Variants in MON1B observed in about 807,000 individuals in gnomAD.
The protein encoded by MON1B is vacuolar fusion protein MON1 homolog B.
In MON1B, 26 loss-of-function variants were observed where a neutral mutation model predicts 45.1. The ratio of observed to expected loss-of-function variants is 0.58; its 90% CI spans 0.42 to 0.80. The LOEUF is 0.80. Among genes scored for constraint, MON1B ranks in the 30% least tolerant of loss-of-function variants. The pLI, the probability that MON1B is intolerant of heterozygous loss-of-function variation, is 0.00. For missense variants in MON1B, 737 were observed against 754.5 expected (o/e 0.98, Z 0.27); for synonymous variants, 395 against 320.2 (o/e 1.23, Z -2.49).
At position 77,198,626 on chromosome 16, in the gene MON1B, G is replaced by A. The variant is rs537901947; in HGVS notation, c.*318G>A. 2.4e-5 allele frequency: 9 copies of A among 376,922 alleles called. No individual in the cohort carries two copies. The highest frequency in any genetic ancestry group is 5.5e-5 in the South Asian group (2 of 36,346). The allele number at this position is 376,922 out of a possible 1,614,324, so 23.3% of individuals were successfully genotyped here. On this transcript the variant is annotated 3_prime_UTR_variant, in exon 6 of 6. Coordinates refer to ENST00000248248, the MANE Select transcript of MON1B (RefSeq NM_014940.4). ...GACTGTCCCCTCCAAACTTGCTTCCGTGGTCTGCCTCCTAGTTGAATCTCA... is the reference window on the plus strand; with the variant it reads ...GACTGTCCCCTCCAAACTTGCTTCCATGGTCTGCCTCCTAGTTGAATCTCA...
At chr16:77,195,392 C>A in intron 4 of MON1B, 143 bp from the exon 5 acceptor site, 1 of 1,178,948 alleles carries the variant, frequency 8.5e-7, no homozygotes, top group Non-Finnish European at 1.2e-6. Flanking sequence ...GGAAGGTCAG[C>A]CTCCAACCCC....
Position 77,202,364 on chromosome 16 carries a change from C to G in MON1B, c.*4056C>G, listed in dbSNP as rs1446012210. ...CTATTTTTACAACTTTTGTGTACAT[C>G]TGCAATTGTTTCAAAATAAAATGTT... On this transcript the variant is annotated 3_prime_UTR_variant, in exon 6 of 6. Transcript: ENST00000248248. The G allele has an allele frequency of 1.3e-5, 2 of 152,162 alleles. No individual in the cohort carries two copies. The highest frequency in any genetic ancestry group is 2.9e-5 in the Non-Finnish European group (2 of 68,036). The allele number at this position is 152,162 out of a possible 1,614,324, so 9.4% of individuals were successfully genotyped here.
Position 77,191,222 on chromosome 16 carries a change from A to G in MON1B, c.-47A>G, listed in dbSNP as rs867708575. The G allele has an allele frequency of 2.0e-6, 3 of 1,536,434 alleles. No homozygotes were observed. Among genetic ancestry groups the G allele is most frequent in the Middle Eastern group, 1.7e-4 (1 of 5,984 alleles). ...ATGCCACCGCCGCTACGGGGAAGTA[A>G]TGGTATCCGGCCAATTGAGATTCGG... On this transcript the variant is annotated 5_prime_UTR_variant, in exon 1 of 6. The change abolishes an upstream ATG in the 5' untranslated region. Coordinates refer to ENST00000248248, the MANE Select transcript of MON1B (RefSeq NM_014940.4).
Position 77,201,845 on chromosome 16 carries a change from T to G in MON1B, c.*3537T>G, listed in dbSNP as rs780224763. On this transcript the variant is annotated 3_prime_UTR_variant, in exon 6 of 6. Coordinates refer to ENST00000248248, the MANE Select transcript of MON1B (RefSeq NM_014940.4). ...TTAAATTATAAGTTGATAGGATTAT[T>G]ATTGACACACAAGGAGCTCCAAAAG... The G allele has an allele frequency of 4.6e-5, 7 of 152,144 alleles. No homozygotes were observed. The highest frequency in any genetic ancestry group is 1.0e-4 in the Non-Finnish European group (7 of 68,024). The allele number at this position is 152,144 out of a possible 1,614,324, so 9.4% of individuals were successfully genotyped here.
chr16:77,197,233 T>A (rs1470119292), intron 5 of MON1B, among the ~76,000 whole-genome samples: 1 of 151,698 alleles, frequency 6.6e-6, no homozygotes, highest in Non-Finnish European at 1.5e-5. Flanking sequence ...CCATCTCTAC[T>A]AAAAATACAA....
chr16:77,193,743 G>T lies in MON1B; in HGVS notation c.441G>T (p.Gln147His). 1.9e-6 allele frequency: 3 copies of T among 1,613,494 alleles called. 1 individual carries two copies. The South Asian group carries it at 3.3e-5, about 18-fold the overall frequency. ...GVMTALVSFV[Q>H]SAGDAIRAIY... is the part of the protein sequence containing the mutation. ...TGACCGCCCTGGTGTCCTTTGTGCA[G>T]AGTGCGGGAGATGCCATCCGTGCCA... The change falls in exon 3 of 6, where the codon CAG (glutamine) becomes CAT (histidine). Residue 147 changes from glutamine (Q) to histidine (H), a missense_variant. Gln to His is a conservative substitution (Grantham distance 24, BLOSUM62 0). Transcript: ENST00000248248. This position sits in a 1 kb window ranked among gnomAD's most constrained non-coding sequence, Gnocchi z 5.0.
In MON1B at chr16:77,200,695, A is replaced by G. The variant is rs970989425; in HGVS notation, c.*2387A>G. 7.0e-6 allele frequency: 1 copy of G among 142,658 alleles called. No individual in the cohort carries two copies. Among genetic ancestry groups the G allele is most frequent in the African/African-American group, 2.6e-5 (1 of 38,090 alleles). The allele number at this position is 142,658 out of a possible 1,614,324, so 8.8% of individuals were successfully genotyped here. A position where few individuals can be genotyped will look rare whatever the true frequency, so the allele number is the denominator to read the frequency against. On this transcript the variant is annotated 3_prime_UTR_variant, in exon 6 of 6. Coordinates refer to ENST00000248248, the MANE Select transcript of MON1B (RefSeq NM_014940.4). ...TGCTTGAACCCGGGAGGCAGAGGTT[A>G]TCGTGAGCTGACATTGCGCCACTGC...
chr16:77,197,988 A>T (rs1281341210), intron 5 of MON1B, 120 bp from the exon 6 acceptor site: 1 of 955,792 alleles, frequency 1.0e-6, no homozygotes, highest in Non-Finnish European at 1.6e-6. Context: ...ACCTGGTAGG[A>T]GGTGCTGCCA....
chr16:77,195,802 C>T (rs1273049276), intron 5 of MON1B, 120 bp downstream of exon 5: 3 of 1,237,488 alleles, frequency 2.4e-6, no homozygotes, highest in Non-Finnish European at 1.1e-6. Flanking sequence ...CTGGGCTGTG[C>T]CTTGCCTGCA....
In MON1B at chr16:77,198,252, C is replaced by G; in HGVS notation, c.1588C>G (p.Pro530Ala). 6.2e-7 allele frequency: 1 copy of G among 1,614,208 alleles called. No homozygotes were observed. The highest frequency in any genetic ancestry group is 8.5e-7 in the Non-Finnish European group (1 of 1,180,042). Residue 530 changes from proline (P) to alanine (A), a missense_variant, in exon 6 of 6, where the codon CCA (proline) becomes GCA (alanine). By Grantham distance (27) the Pro-to-Ala change is conservative. Coordinates refer to ENST00000248248, the MANE Select transcript of MON1B (RefSeq NM_014940.4). The part of the protein sequence containing the change: ...FIRYPPKYST[P>A]PATSTDQAAH... Reference sequence around the variant, plus strand: ...TCGTTACCCACCCAAGTACTCCACACCACCAGCCACCTCTACGGACCAAGC... The same window carrying G: ...TCGTTACCCACCCAAGTACTCCACAGCACCAGCCACCTCTACGGACCAAGC...
Position 77,193,553 on chromosome 16 carries a change from G to T in MON1B, c.251G>T (p.Ser84Ile), listed in dbSNP as rs144793245. The stretch of plus-strand genomic sequence containing the variant: ...TGGAGTCCTGCAGCCCCTGAGAATA[G>T]TCCCACATGTAGCCCTGAGAGTAGC... ...RLWSPAAPEN[S>I]PTCSPESSSG... Residue 84 changes from serine to isoleucine, a missense_variant, in exon 3 of 6, where the codon AGT becomes ATT. Ser to Ile is a moderately radical substitution (Grantham distance 142). Transcript: ENST00000248248. This position sits in a 1 kb window ranked among gnomAD's most constrained non-coding sequence, Gnocchi z 5.0. 8 of 1,614,002 alleles carry T rather than the reference G, an allele frequency of 5.0e-6. No homozygotes were observed. Among genetic ancestry groups the T allele is most frequent in the Non-Finnish European group, 6.8e-6 (8 of 1,179,908 alleles).
chr16:77,195,541 G>C lies in MON1B; in HGVS notation c.1302G>C (p.Glu434Asp). The stretch of plus-strand genomic sequence containing the variant: ...CCTCCCTCCATCATGGCAGCCCTGA[G>C]CTAGAGGCCCCCTACAGCAGAGAGG... The part of the protein sequence containing the change: ...HRQLPQFTSP[E>D]LEAPYSREEE... Residue 434 changes from glutamate to aspartate, a missense_variant, in exon 5 of 6, where the codon GAG becomes GAC. By Grantham distance (45) the Glu-to-Asp change is conservative (BLOSUM62 2). Coordinates refer to ENST00000248248, the MANE Select transcript of MON1B (RefSeq NM_014940.4). The C allele has an allele frequency of 1.2e-6, 2 of 1,613,342 alleles. No homozygotes were observed. Among genetic ancestry groups the C allele is most frequent in the Non-Finnish European group, 1.7e-6 (2 of 1,179,626 alleles).
chr16:77,199,156 C>CGTATCAT lies in MON1B; in HGVS notation c.*848_*849insGTATCAT. On this transcript the variant is annotated 3_prime_UTR_variant, in exon 6 of 6. Coordinates refer to ENST00000248248, the MANE Select transcript of MON1B (RefSeq NM_014940.4). ...TGACAACCTGCACAAGACAAGCAGC[C>CGTATCAT]TAAAGCAGGAGAGACCTCCCTAGGG... 1 of 389,038 alleles carries CGTATCAT rather than the reference C, an allele frequency of 2.6e-6. No individual in the cohort carries two copies. Among genetic ancestry groups the CGTATCAT allele is most frequent in the Non-Finnish European group, 4.6e-6 (1 of 216,888 alleles). 24.1% of individuals were successfully genotyped at this position (389,038 alleles called of 1,614,324 possible).
At chr16:77,192,527 G>T (rs111427041) in intron 2 of MON1B, among the ~76,000 whole-genome samples, 1 of 152,152 alleles carries the variant, frequency 6.6e-6, no homozygotes, top group Admixed American at 6.5e-5. Flanking sequence ...GTTAATGATG[G>T]TCATGGGTAG....
At position 77,193,490 on chromosome 16, in the gene MON1B, C is replaced by T. The variant is rs374424902; in HGVS notation, c.188C>T (p.Pro63Leu). 39 of 1,592,840 alleles carry T rather than the reference C, an allele frequency of 2.4e-5. No homozygotes were observed. The highest frequency in any genetic ancestry group is 6.8e-5 in the South Asian group (6 of 87,890). Residue 63 changes from proline (P) to leucine (L), a missense_variant, in exon 3 of 6, where the codon CCG (proline) becomes CTG (leucine). Physicochemically the swap from Pro to Leu is moderately conservative, Grantham distance 98. Transcript: ENST00000248248. The surrounding 1 kb of genome is among the most constrained non-coding windows in gnomAD (Gnocchi z 5.0). The part of the protein sequence containing the change: ...DKDQPPSPSP[P>L]PQSEALSSTS... ...GACCAGCCACCCAGCCCATCACCACCGCCCCAGTCAGAGGCCCTGTCAAGC... is the reference window on the plus strand; with the variant it reads ...GACCAGCCACCCAGCCCATCACCACTGCCCCAGTCAGAGGCCCTGTCAAGC...
chr16:77,194,749 G>A lies in MON1B; in HGVS notation c.890G>A (p.Cys297Tyr). Reference sequence around the variant, plus strand: ...CAGGAGCGAAATGTGCTGGCCGAGTGCCGGCTGGACCCAGCTGACCTGCAG... The same window carrying A: ...CAGGAGCGAAATGTGCTGGCCGAGTACCGGCTGGACCCAGCTGACCTGCAG... ...AAQERNVLAE[C>Y]RLDPADLQLL... is the part of the protein sequence containing the mutation. The change falls in exon 4 of 6, where the codon TGC becomes TAC. Residue 297 changes from cysteine (C) to tyrosine (Y), a missense_variant. Physicochemically the swap from Cys to Tyr is radical, Grantham distance 194. Transcript: ENST00000248248. The surrounding 1 kb of genome is among the most constrained non-coding windows in gnomAD (Gnocchi z 8.1). 1 of 1,613,808 alleles carries A rather than the reference G, an allele frequency of 6.2e-7. No homozygotes were observed. Among genetic ancestry groups the A allele is most frequent in the Non-Finnish European group, 8.5e-7 (1 of 1,179,838 alleles).
rs976937292 is a variant in MON1B at position 77,193,103 on chromosome 16, T to C, written c.149-348T>C. On this transcript the variant is annotated intron_variant, in intron 2 of 5. Coordinates refer to ENST00000248248, the MANE Select transcript of MON1B (RefSeq NM_014940.4). The surrounding 1 kb of genome is among the most constrained non-coding windows in gnomAD (Gnocchi z 5.0). The stretch of plus-strand genomic sequence containing the variant: ...GGAGTTAATGGGGGATCATTGAAGA[T>C]GAATAATCGTCATCCAGAGTCAATG... 6.6e-6 allele frequency among the ~76,000 whole-genome samples: 1 copy of C among 152,184 alleles called. No homozygotes were observed. Among genetic ancestry groups the C allele is most frequent in the Non-Finnish European group, 1.5e-5 (1 of 68,000 alleles).
chr16:77,196,093 G>T (rs900649935), intron 5 of MON1B, among the ~76,000 whole-genome samples: 1 of 152,118 alleles, frequency 6.6e-6, no homozygotes, highest in African/African-American at 2.4e-5. Flanking sequence ...CCCTTGCTGT[G>T]CCCTCCACCT....
chr16:77,191,344 T>G, intron 1 of MON1B, 86 bp downstream of exon 1: 2 of 1,559,268 alleles, frequency 1.3e-6, no homozygotes, highest in South Asian at 2.3e-5. Flanking sequence ...TGGGCATGAT[T>G]TTGGATGTCT....
Sources: allele counts gnomAD v4.1 joint callset (sites outside exome capture counted in the v4.1 genomes callset), GRCh38; gene constraint gnomAD v4.1.1; non-coding constraint Gnocchi (gnomAD v3.1); transcripts MANE v1.5; gene names NCBI Gene and HGNC (gene_info 2026-07-23, HGNC 2026-07-21).